SYN3: variants seen among roughly 807,000 people sequenced by gnomAD.
SYN3 encodes the protein synapsin III.
Under a neutral mutation model 65.8 loss-of-function variants are expected in SYN3, and 35 were observed. That is an observed-to-expected ratio of 0.53 (90% CI 0.41 to 0.70). SYN3 has a LOEUF of 0.70. SYN3 is among the 30% of genes least tolerant of loss of function. The probability of loss-of-function intolerance (pLI) is 0.00; values close to 1 mark genes in which losing one functional copy is unlikely to be tolerated. For synonymous variants in SYN3, 270 were observed against 292.9 expected (o/e 0.92, Z 0.80); for missense variants, 680 against 749.0 (o/e 0.91, Z 1.08).
At chr22:32,567,470 C>A (rs150198798) in intron 7 of SYN3, among the ~76,000 whole-genome samples, 1 of 151,938 alleles carries the variant, frequency 6.6e-6, no homozygotes, top group African/African-American at 2.4e-5. Flanking sequence ...TTAAGATTCC[C>A]GCCTCCATGG....
chr22:33,028,700 G>GTGGTGGTGGTGA (rs1569413532), intron 1 of SYN3, among the ~76,000 whole-genome samples: 38 of 135,768 alleles, frequency 2.8e-4, no homozygotes, highest in Admixed American at 6.6e-4. Context: ...GATGGTGGTG[G>GTGGTGGTGGTGA]TGGTGGTGGT....
chr22:32,826,929 G>C (rs2047431140), intron 6 of SYN3, among the ~76,000 whole-genome samples: 1 of 152,202 alleles, frequency 6.6e-6, no homozygotes, highest in African/African-American at 2.4e-5. Flanking sequence ...CCTAGAGGCA[G>C]AGACAGGATT....
At chr22:32,857,184 G>A in intron 6 of SYN3, 1 of 1,223,460 alleles carries the variant, frequency 8.2e-7, no homozygotes, top group Non-Finnish European at 1.2e-6. Flanking sequence ...CCAGCAGTGG[G>A]ATTAGGGATC....
At chr22:32,536,713 CTG>C (rs1397634564) in intron 9 of SYN3, among the ~76,000 whole-genome samples, 1 of 152,170 alleles carries the variant, frequency 6.6e-6, no homozygotes, top group Non-Finnish European at 1.5e-5. Flanking sequence ...GAACCTGACA[CTG>C]TGAGGATGAA....
intron 6 of SYN3, among the ~76,000 whole-genome samples, chr22:32,829,350 G>A (rs1305913333): frequency 6.6e-6 from 1 of 152,218 alleles, no homozygotes; most frequent in Non-Finnish European, 1.5e-5. Flanking sequence ...CCAAACAGTG[G>A]ACGGAGCAAG....
At chr22:32,541,521 C>T in intron 8 of SYN3, 50 bp downstream of exon 8, 2 of 1,610,134 alleles carry the variant, frequency 1.2e-6, no homozygotes, top group East Asian at 2.2e-5. Flanking sequence ...ACATGCACCT[C>T]TGGGCTGCCT....
At chr22:32,964,672 C>T (rs193298163) in intron 3 of SYN3, among the ~76,000 whole-genome samples, 1 of 152,104 alleles carries the variant, frequency 6.6e-6, no homozygotes, top group Non-Finnish European at 1.5e-5. Flanking sequence ...AGCCTTACAC[C>T]TCAGGAGTTG....
chr22:32,596,417 CAATCATAGAGAATG>C (rs1207258822), intron 7 of SYN3, among the ~76,000 whole-genome samples: 2 of 152,160 alleles, frequency 1.3e-5, no homozygotes, highest in Non-Finnish European at 1.5e-5. Flanking sequence ...TCTTCAGTCG[CAATCATAGAGAATG>C]ATTAGTTAGC....
At chr22:32,829,498 G>A (rs2047513301) in intron 6 of SYN3, among the ~76,000 whole-genome samples, 1 of 152,196 alleles carries the variant, frequency 6.6e-6, no homozygotes, top group Non-Finnish European at 1.5e-5. Context: ...GAATTGATCG[G>A]TGCCAGATGC....
intron 4 of SYN3, among the ~76,000 whole-genome samples, chr22:32,920,687 G>T (rs1480336380): frequency 1.3e-5 from 2 of 152,114 alleles, no homozygotes; most frequent in African/African-American, 4.8e-5. Context: ...CTCTTTTTGT[G>T]CCCTCCTGAC....
chr22:32,695,113 T>C (rs1418592427), intron 6 of SYN3, among the ~76,000 whole-genome samples: 1 of 152,244 alleles, frequency 6.6e-6, no homozygotes, highest in African/African-American at 2.4e-5. Flanking sequence ...TCTTTTATAA[T>C]ATCTTTGAAT....
chr22:32,963,242 A>AT (rs59829876), intron 3 of SYN3, among the ~76,000 whole-genome samples: 1,635 of 111,752 alleles, frequency 0.015, 33 homozygotes, highest in Admixed American at 0.035. Context: ...TGCCTGGCTA[A>AT]TTTTTTTTTT....
intron 6 of SYN3, among the ~76,000 whole-genome samples, chr22:32,697,808 C>T (rs1017872048): frequency 6.6e-6 from 1 of 152,202 alleles, no homozygotes; most frequent in Non-Finnish European, 1.5e-5. Context: ...GGTCACTTGA[C>T]TGACTCTGGC....
intron 6 of SYN3, among the ~76,000 whole-genome samples, chr22:32,627,416 C>A (rs769726504): frequency 7.9e-5 from 12 of 152,134 alleles, no homozygotes; most frequent in Non-Finnish European, 1.5e-4. Context: ...CACTTATGCA[C>A]ACCTACACAC....
intron 3 of SYN3, among the ~76,000 whole-genome samples, chr22:32,935,536 C>T (rs1601728830): frequency 6.6e-6 from 1 of 151,360 alleles, no homozygotes; most frequent in East Asian, 1.9e-4. Context: ...CTGCCACCTC[C>T]ACCTCCCAGG....
At chr22:33,039,312 T>C (rs2053918434) in intron 1 of SYN3, among the ~76,000 whole-genome samples, 1 of 152,250 alleles carries the variant, frequency 6.6e-6, no homozygotes, top group African/African-American at 2.4e-5. Flanking sequence ...GGAGGTGTTT[T>C]AGCCTGTATA....
intron 6 of SYN3, chr22:32,862,859 C>G (rs886057453): frequency 6.6e-6 from 1 of 152,570 alleles, no homozygotes; most frequent in African/African-American, 2.4e-5. Context: ...CAAGAGATCT[C>G]GAACCCTGTC....
chr22:32,692,797 A>T (rs1254797707), intron 6 of SYN3, among the ~76,000 whole-genome samples: 6 of 152,122 alleles, frequency 3.9e-5, no homozygotes, highest in Admixed American at 3.9e-4. Context: ...TTCATATTAT[A>T]TTATACACAC....
At chr22:32,758,393 T>C (rs2045355330) in intron 6 of SYN3, among the ~76,000 whole-genome samples, 1 of 151,750 alleles carries the variant, frequency 6.6e-6, no homozygotes, top group Non-Finnish European at 1.5e-5. Context: ...CCAAAGGAGA[T>C]TAACATTTGA....
Sources: gnomAD v4.1 joint callset for allele counts (sites outside exome capture counted in the v4.1 genomes callset) on GRCh38, gnomAD v4.1.1 for gene constraint, MANE v1.5 for transcripts, NCBI Gene and HGNC (gene_info 2026-07-23, HGNC 2026-07-21) for gene names.